Variants in HIPK2 observed in about 807,000 individuals in gnomAD.
HIPK2 encodes homeodomain interacting protein kinase 2.
In HIPK2, 27 loss-of-function variants were observed where a neutral mutation model predicts 113.7. That is an observed-to-expected ratio of 0.24 (90% CI 0.17 to 0.33). The LOEUF is 0.33. HIPK2 is among the 10% of genes least tolerant of loss of function. The pLI, the probability that HIPK2 is intolerant of heterozygous loss-of-function variation, is 1.00. For synonymous variants in HIPK2, 631 were observed against 642.2 expected (o/e 0.98, Z 0.26); for missense variants, 1,257 against 1,588.0 (o/e 0.79, Z 3.54).
chr7:139,698,296 T>G (rs1412415770), intron 2 of HIPK2, among the ~76,000 whole-genome samples: 6 of 152,240 alleles, frequency 3.9e-5, no homozygotes, highest in Admixed American at 3.9e-4. Flanking sequence ...CATTTTTCCT[T>G]TTCGTGGCGA....
intron 2 of HIPK2, among the ~76,000 whole-genome samples, chr7:139,702,417 C>G (rs1204356689): frequency 6.6e-6 from 1 of 152,198 alleles, no homozygotes; most frequent in Admixed American, 6.5e-5. Flanking sequence ...GGTGCATATC[C>G]CGGGTCGAGC....
intron 2 of HIPK2, among the ~76,000 whole-genome samples, chr7:139,665,949 C>CTTTTT (rs375858246): frequency 6.9e-6 from 1 of 145,600 alleles, no homozygotes. Context: ...AGGAGGTCTG[C>CTTTTT]CTTTTTTTTT....
At chr7:139,710,146 A>G (rs1795019551) in intron 2 of HIPK2, among the ~76,000 whole-genome samples, 1 of 152,210 alleles carries the variant, frequency 6.6e-6, no homozygotes, top group African/African-American at 2.4e-5. Context: ...TCCAGAATTT[A>G]CAATGGCTCC....
intron 12 of HIPK2, among the ~76,000 whole-genome samples, chr7:139,589,298 GA>G (rs1798938554): frequency 6.6e-6 from 1 of 151,948 alleles, no homozygotes; most frequent in South Asian, 2.1e-4. Flanking sequence ...ATCTGGAGAG[GA>G]AAGAGATCCT....
At chr7:139,717,319 G>A (rs1341362044) in intron 1 of HIPK2, among the ~76,000 whole-genome samples, 1 of 152,122 alleles carries the variant, frequency 6.6e-6, no homozygotes, top group African/African-American at 2.4e-5. Context: ...AACATTACTT[G>A]TGACAGAAAT....
At position 139,583,869 on chromosome 7, in the gene HIPK2, G is replaced by T. The variant is rs1164809172; in HGVS notation, c.2913C>A (p.Pro971=). The T allele has an allele frequency of 6.2e-7, 1 of 1,613,256 alleles. No homozygotes were observed. Among genetic ancestry groups the T allele is most frequent in the South Asian group, 1.1e-5 (1 of 90,920 alleles). Residue 971 remains proline, a synonymous_variant, in exon 13 of 15, where the codon CCC becomes CCA. Coordinates refer to ENST00000406875, the MANE Select transcript of HIPK2 (RefSeq NM_022740.5). ...ATACTTCGCTGGCCTGGGTTTTCAG[G>T]GGTGGCACGATGATGGTTCGGGGGT... The part of the protein sequence containing the change: ...TGNPRTIIVP[P]LKTQASEVLV...
intron 2 of HIPK2, among the ~76,000 whole-genome samples, chr7:139,658,564 C>A (rs1801754742): frequency 6.6e-6 from 1 of 152,190 alleles, no homozygotes; most frequent in Non-Finnish European, 1.5e-5. Flanking sequence ...AATGCCCACA[C>A]TAGTTTAACC....
intron 12 of HIPK2, 178 bp downstream of exon 12, chr7:139,596,539 T>C (rs181392254): frequency 1.3e-4 from 48 of 372,676 alleles, no homozygotes; most frequent in Non-Finnish European, 1.6e-4. Flanking sequence ...TAAACAATTA[T>C]GGAAAACCTG....
At chr7:139,643,381 T>TAC (rs61058916) in intron 2 of HIPK2, among the ~76,000 whole-genome samples, 28,638 of 148,214 alleles carry the variant, frequency 0.19, 3,091 homozygotes, top group Non-Finnish European at 0.26. Context: ...ATGTACTAAA[T>TAC]ACACACACAC....
In HIPK2 at chr7:139,733,170, C is replaced by T. The variant is rs1432090891; in HGVS notation, c.20-16155G>A. 2.6e-5 allele frequency among the ~76,000 whole-genome samples: 4 copies of T among 152,144 alleles called. No individual in the cohort carries two copies. In the South Asian group the frequency reaches 6.2e-4, roughly 24 times the overall value. On this transcript the variant is annotated intron_variant, in intron 1 of 14. Coordinates refer to ENST00000406875, the MANE Select transcript of HIPK2 (RefSeq NM_022740.5). ...GGCCTCCCCAGAAACTGAGCAGATG[C>T]TAGCATCATGCTTCTTGTACAGCCT... is the stretch of plus-strand genomic sequence containing the variant.
intron 2 of HIPK2, among the ~76,000 whole-genome samples, chr7:139,658,900 C>G (rs1376634080): frequency 6.6e-6 from 1 of 152,214 alleles, no homozygotes; most frequent in Non-Finnish European, 1.5e-5. Context: ...AGAAAATGAT[C>G]TGTGTGACTG....
intron 12 of HIPK2, among the ~76,000 whole-genome samples, chr7:139,587,488 CAAAA>C (rs1213368741): frequency 2.3e-5 from 1 of 44,032 alleles, no homozygotes; most frequent in Non-Finnish European, 4.6e-5. Flanking sequence ...GACTGTGTCT[CAAAA>C]AAAAAAAAAA....
intron 2 of HIPK2, among the ~76,000 whole-genome samples, chr7:139,648,922 C>A (rs1024953090): frequency 6.6e-6 from 1 of 151,880 alleles, no homozygotes; most frequent in African/African-American, 2.4e-5. Context: ...AGGCATTGGG[C>A]GGGTGGAGGG....
At chr7:139,695,254 G>A (rs1794528809) in intron 2 of HIPK2, among the ~76,000 whole-genome samples, 3 of 152,206 alleles carry the variant, frequency 2.0e-5, no homozygotes, top group Admixed American at 2.0e-4. Flanking sequence ...CTTGCGGGCC[G>A]ATTCCCAGGG....
At chr7:139,641,011 C>A (rs1181608359) in intron 2 of HIPK2, among the ~76,000 whole-genome samples, 1 of 152,032 alleles carries the variant, frequency 6.6e-6, no homozygotes, top group South Asian at 2.1e-4. Flanking sequence ...TTTATTTACA[C>A]AAAAAGCTGA....
At chr7:139,713,168 GAA>G (rs1273918253) in intron 2 of HIPK2, among the ~76,000 whole-genome samples, 84 of 152,100 alleles carry the variant, frequency 5.5e-4, no homozygotes, top group Non-Finnish European at 5.9e-5. Context: ...ACGAAGTGGG[GAA>G]AAGAGGGCTC....
In HIPK2 at chr7:139,572,670, C is replaced by T. The variant is rs998718927; in HGVS notation, c.*257G>A. 2 of 382,104 alleles carry T rather than the reference C, an allele frequency of 5.2e-6. No individual in the cohort carries two copies. Among genetic ancestry groups the T allele is most frequent in the Admixed American group, 4.2e-5 (1 of 24,070 alleles). 23.7% of individuals were successfully genotyped at this position (382,104 alleles called of 1,614,324 possible). On this transcript the variant is annotated 3_prime_UTR_variant, in exon 15 of 15. Transcript: ENST00000406875. The stretch of plus-strand genomic sequence containing the variant: ...CCATAGATTTCCCACCCTCTTTAAT[C>T]CCTTCCTTTTAAAAATGTTCTCTTC...
intron 1 of HIPK2, among the ~76,000 whole-genome samples, chr7:139,735,605 G>C (rs930624953): frequency 2.6e-4 from 40 of 152,210 alleles, no homozygotes; most frequent in Non-Finnish European, 5.0e-4. Context: ...CAGGTCAACA[G>C]GACGAGATGG....
intron 1 of HIPK2, among the ~76,000 whole-genome samples, chr7:139,776,560 C>G (rs542992034): frequency 6.6e-6 from 1 of 152,202 alleles, no homozygotes; most frequent in African/African-American, 2.4e-5. Context: ...CAAACCCTGT[C>G]CCCTCTCATT....
Sources: allele counts gnomAD v4.1 joint callset (sites outside exome capture counted in the v4.1 genomes callset), GRCh38; gene constraint gnomAD v4.1.1; transcripts MANE v1.5; gene names NCBI Gene and HGNC (gene_info 2026-07-23, HGNC 2026-07-21).